PCDH7: variants seen among roughly 807,000 people sequenced by gnomAD.
PCDH7 encodes protocadherin 7.
PCDH7 carries 17 observed loss-of-function variants against 58.9 expected under a neutral mutation model. The observed-to-expected ratio is 0.29, with a 90% CI of 0.20 to 0.43. The LOEUF is 0.43. Ranked by LOEUF, PCDH7 falls within the 20% of genes least tolerant of loss-of-function variation. The probability of loss-of-function intolerance (pLI) is 1.00; values close to 1 mark genes in which losing one functional copy is unlikely to be tolerated. For synonymous variants in PCDH7, 664 were observed against 616.4 expected (o/e 1.08, Z -1.14); for missense variants, 1,274 against 1,441.0 (o/e 0.88, Z 1.88).
rs34888079 is a variant in PCDH7 at position 30,900,268 on chromosome 4, T to C, written c.71-19885T>C. On this transcript the variant is annotated intron_variant, in intron 1 of 3. Coordinates refer to the PCDH7 transcript ENST00000509759. ...AAAACTAGAACACAAAAACATATGG[T>C]GTGAGCAAAGAATAGAACCAATACA... 8.0e-3 allele frequency among the ~76,000 whole-genome samples: 1,214 copies of C among 152,298 alleles called. 13 individuals carry two copies. The highest frequency in any genetic ancestry group is 0.014 in the Non-Finnish European group (922 of 68,014).
chr4:30,973,169 T>C (rs941565545), intron 3 of PCDH7, among the ~76,000 whole-genome samples: 2 of 152,288 alleles, frequency 1.3e-5, no homozygotes, highest in Non-Finnish European at 2.9e-5. Context: ...TACAAAAGAT[T>C]TCTGATATAG....
intron 3 of PCDH7, among the ~76,000 whole-genome samples, chr4:31,014,810 G>T (rs1371455131): frequency 6.6e-6 from 1 of 151,988 alleles, no homozygotes; most frequent in Non-Finnish European, 1.5e-5. Context: ...CTTTACAGAG[G>T]CCTCTCCAGC....
intron 1 of PCDH7, among the ~76,000 whole-genome samples, chr4:30,889,882 C>A (rs565200808): frequency 6.6e-6 from 1 of 152,282 alleles, no homozygotes; most frequent in Admixed American, 6.5e-5. Flanking sequence ...ACCATAGCAG[C>A]ATCATACTGG....
intron 3 of PCDH7, among the ~76,000 whole-genome samples, chr4:31,110,061 T>A (rs1716090380): frequency 6.6e-6 from 1 of 152,226 alleles, no homozygotes; most frequent in Non-Finnish European, 1.5e-5. Flanking sequence ...TCAAAGCATT[T>A]ATGGCTACCT....
chr4:30,834,930 T>TACAC (rs201386115), intron 1 of PCDH7, among the ~76,000 whole-genome samples: 3,536 of 151,358 alleles, frequency 0.023, 130 homozygotes, highest in African/African-American at 0.078. Context: ...TGTATATATA[T>TACAC]ACACACACAC....
At chr4:31,100,396 TAATC>T (rs776325501) in intron 3 of PCDH7, among the ~76,000 whole-genome samples, 70 of 152,160 alleles carry the variant, frequency 4.6e-4, no homozygotes, top group Non-Finnish European at 7.5e-4. Context: ...ACAGATGAGA[TAATC>T]AATCCTAGTG....
At chr4:30,973,197 AC>A (rs1347234291) in intron 3 of PCDH7, among the ~76,000 whole-genome samples, 1 of 152,190 alleles carries the variant, frequency 6.6e-6, no homozygotes, top group African/African-American at 2.4e-5. Flanking sequence ...TTATGAAAAG[AC>A]CTCTAGATTG....
At chr4:30,810,769 C>T (rs1001068853) in intron 1 of PCDH7, among the ~76,000 whole-genome samples, 2 of 151,980 alleles carry the variant, frequency 1.3e-5, no homozygotes, top group African/African-American at 4.8e-5. Flanking sequence ...CACCACCACA[C>T]CCGGCTAATT....
At chr4:30,781,605 TGGC>T (rs1272468442) in intron 1 of PCDH7, among the ~76,000 whole-genome samples, 33 of 151,718 alleles carry the variant, frequency 2.2e-4, no homozygotes, top group African/African-American at 7.5e-4. Flanking sequence ...GGTGTGATCT[TGGC>T]TGATTGCAAC....
At chr4:30,765,374 G>A (rs7685283) in intron 1 of PCDH7, among the ~76,000 whole-genome samples, 84,334 of 151,796 alleles carry the variant, frequency 0.56, 24,495 homozygotes, top group African/African-American at 0.73. Context: ...AATAGAGGCT[G>A]TTAATTGTCC....
intron 1 of PCDH7, among the ~76,000 whole-genome samples, chr4:30,858,328 C>G (rs1194613424): frequency 6.6e-6 from 1 of 152,078 alleles, no homozygotes; most frequent in Non-Finnish European, 1.5e-5. Context: ...CATGTTGTTT[C>G]TTCTTTCCAT....
chr4:30,760,351 T>C (rs77905331), intron 1 of PCDH7, among the ~76,000 whole-genome samples: 3,682 of 152,284 alleles, frequency 0.024, 220 homozygotes, highest in East Asian at 0.22. Flanking sequence ...CACAGGGCAC[T>C]TAGGCAAGAG....
chr4:30,933,847 C>T (rs1375609157), intron 2 of PCDH7, among the ~76,000 whole-genome samples: 3 of 152,176 alleles, frequency 2.0e-5, no homozygotes, highest in Admixed American at 1.3e-4. Context: ...CTAAAACAAG[C>T]TCAATCTTTA....
chr4:30,897,643 G>T (rs1281673232), intron 1 of PCDH7, among the ~76,000 whole-genome samples: 2 of 152,140 alleles, frequency 1.3e-5, no homozygotes, highest in Non-Finnish European at 2.9e-5. Context: ...TTTCTTAACA[G>T]AAGTTATGTG....
intron 1 of PCDH7, among the ~76,000 whole-genome samples, chr4:30,778,618 C>T (rs56350703): frequency 0.014 from 2,111 of 152,034 alleles, 54 homozygotes; most frequent in African/African-American, 0.048. Flanking sequence ...TTGTATTTAA[C>T]ACATTTTTGC....
In PCDH7 at chr4:31,039,572, A is replaced by G. The variant is rs535622535; in HGVS notation, c.*7+89357A>G. ...ATGGGACTTTGCCCAGCCATAGTTT[A>G]TAGTCTTGCTGCCTCTTCTCTACAG... On this transcript the variant is annotated intron_variant, in intron 3 of 3. Coordinates refer to the PCDH7 transcript ENST00000509759. Among the ~76,000 whole-genome samples, 5 of 152,206 alleles carry G rather than the reference A, an allele frequency of 3.3e-5. No homozygotes were observed. In the South Asian group the frequency reaches 1.0e-3, roughly 32 times the overall value.
At chr4:31,029,101 C>G (rs913443579) in intron 3 of PCDH7, among the ~76,000 whole-genome samples, 3 of 152,158 alleles carry the variant, frequency 2.0e-5, no homozygotes, top group Admixed American at 6.5e-5. Flanking sequence ...TTTTGAAAGG[C>G]CTTGTTAATC....
chr4:30,881,233 G>A (rs372189563), intron 1 of PCDH7, among the ~76,000 whole-genome samples: 1 of 151,954 alleles, frequency 6.6e-6, no homozygotes, highest in East Asian at 1.9e-4. Flanking sequence ...AGTAGGACAG[G>A]AGTATTTTAC....
chr4:31,049,942 G>A (rs2109218670), intron 3 of PCDH7, among the ~76,000 whole-genome samples: 1 of 152,210 alleles, frequency 6.6e-6, no homozygotes, highest in East Asian at 1.9e-4. Flanking sequence ...AAGCTGAAAG[G>A]GGTAGTTTTC....
Sources: allele counts gnomAD v4.1 joint callset (sites outside exome capture counted in the v4.1 genomes callset), GRCh38; gene constraint gnomAD v4.1.1; transcripts MANE v1.5; gene names NCBI Gene and HGNC (gene_info 2026-07-23, HGNC 2026-07-21).